The following GAN variants were observed in gnomAD, a reference collection of about 807,000 sequenced individuals.
GAN encodes epididymis secretory sperm binding protein.
Under a neutral mutation model 71.3 loss-of-function variants are expected in GAN, and 48 were observed. That is an observed-to-expected ratio of 0.67 (90% CI 0.53 to 0.86). The LOEUF (loss-of-function observed/expected upper bound fraction) is 0.86, where lower values mean the gene tolerates loss of function less well. GAN is among the 40% of genes least tolerant of loss of function. The pLI, the probability that GAN is intolerant of heterozygous loss-of-function variation, is 0.00. For synonymous variants in GAN, 386 were observed against 276.8 expected (o/e 1.39, Z -3.92); for missense variants, 928 against 770.1 (o/e 1.21, Z -2.43).
At position 81,381,992 on chromosome 16, in the gene GAN, A is replaced by G. The variant is rs983447408; in HGVS notation, c.*4396A>G. 4 of 152,276 alleles carry G rather than the reference A, an allele frequency of 2.6e-5. No homozygotes were observed. Among genetic ancestry groups the G allele is most frequent in the East Asian group, 3.9e-4 (2 of 5,176 alleles). The allele number at this position is 152,276 out of a possible 1,614,324, so 9.4% of individuals were successfully genotyped here. A position where few individuals can be genotyped will look rare whatever the true frequency, so the allele number is the denominator to read the frequency against. On this transcript the variant is annotated 3_prime_UTR_variant, in exon 11 of 11. Coordinates refer to ENST00000648994, the MANE Select transcript of GAN (RefSeq NM_022041.4). The stretch of plus-strand genomic sequence containing the variant: ...CTGATTGTACCCTCTATATGGGACT[A>G]TGAGACCCTCTATAGACTCAGCACA...
In GAN at chr16:81,378,036, C is replaced by A. The variant is rs917328381; in HGVS notation, c.*440C>A. 2 of 245,778 alleles carry A rather than the reference C, an allele frequency of 8.1e-6. No homozygotes were observed. The highest frequency in any genetic ancestry group is 1.6e-5 in the Non-Finnish European group (2 of 123,924). 15.2% of individuals were successfully genotyped at this position (245,778 alleles called of 1,614,324 possible). A position where few individuals can be genotyped will look rare whatever the true frequency, so the allele number is the denominator to read the frequency against. On this transcript the variant is annotated 3_prime_UTR_variant, in exon 11 of 11. Coordinates refer to ENST00000648994, the MANE Select transcript of GAN (RefSeq NM_022041.4). ...ATCCAAACATGCCAAGACTGCTTTT[C>A]CACTGCACTTGGAAGGATATATTAT...
At chr16:81,316,008 C>T (rs1909027216) in intron 1 of GAN, among the ~76,000 whole-genome samples, 1 of 152,184 alleles carries the variant, frequency 6.6e-6, no homozygotes, top group Admixed American at 6.5e-5. Context: ...ACCCGAGGAC[C>T]GTGAGAGCCT....
At chr16:81,329,942 G>T (rs1458765006) in intron 1 of GAN, among the ~76,000 whole-genome samples, 2 of 152,160 alleles carry the variant, frequency 1.3e-5, no homozygotes, top group African/African-American at 2.4e-5. Flanking sequence ...CAGCCAGTGG[G>T]CTGTCCTCCA....
At chr16:81,320,181 A>G (rs775115654) in intron 1 of GAN, among the ~76,000 whole-genome samples, 17 of 152,224 alleles carry the variant, frequency 1.1e-4, no homozygotes, top group Admixed American at 2.0e-4. Context: ...GATGATACTG[A>G]TGAAACTACT....
chr16:81,315,365 C>A (rs1334151391), intron 1 of GAN, 85 bp downstream of exon 1: 6 of 900,626 alleles, frequency 6.7e-6, no homozygotes, highest in Non-Finnish European at 8.8e-6. Context: ...GGCCCCCAGA[C>A]CCTGTCCCCT....
At chr16:81,352,553 C>G (rs1490712934) in intron 2 of GAN, among the ~76,000 whole-genome samples, 1 of 152,096 alleles carries the variant, frequency 6.6e-6, no homozygotes, top group Non-Finnish European at 1.5e-5. Context: ...CTCCTTTATT[C>G]TTTCTTTATC....
intron 7 of GAN, 26 bp downstream of exon 7, chr16:81,363,969 A>G: frequency 6.3e-7 from 1 of 1,578,364 alleles, no homozygotes; most frequent in South Asian, 1.1e-5. Context: ...TGTGATAACT[A>G]GTCTGTGTAC....
chr16:81,345,568 G>C (rs1910091461), intron 1 of GAN, among the ~76,000 whole-genome samples: 1 of 152,160 alleles, frequency 6.6e-6, no homozygotes, highest in African/African-American at 2.4e-5. Context: ...GACACAGGGA[G>C]GGGAACATCG....
intron 1 of GAN, among the ~76,000 whole-genome samples, chr16:81,317,717 A>G (rs1179727938): frequency 1.3e-5 from 2 of 152,260 alleles, no homozygotes; most frequent in Non-Finnish European, 2.9e-5. Flanking sequence ...CTACCACGTT[A>G]GAGCATTACT....
intron 2 of GAN, among the ~76,000 whole-genome samples, chr16:81,353,649 TG>T (rs1458437127): frequency 2.0e-5 from 3 of 152,198 alleles, no homozygotes; most frequent in Non-Finnish European, 4.4e-5. Context: ...GCCCATGCTT[TG>T]GGGTCGTCCA....
At chr16:81,371,002 G>T (rs1567498718) in intron 9 of GAN, among the ~76,000 whole-genome samples, 1 of 152,138 alleles carries the variant, frequency 6.6e-6, no homozygotes. Context: ...TGACCATTCA[G>T]TCTGCAGTAT....
chr16:81,362,656 C>T (rs1359825097), intron 6 of GAN, 45 bp downstream of exon 6: 12 of 996,772 alleles, frequency 1.2e-5, no homozygotes, highest in Non-Finnish European at 1.8e-5. Context: ...TTCTCTTTCC[C>T]CTTAGCGCTT....
intron 1 of GAN, among the ~76,000 whole-genome samples, chr16:81,334,984 C>A (rs1458790807): frequency 6.6e-6 from 1 of 152,078 alleles, no homozygotes; most frequent in Admixed American, 6.5e-5. Context: ...TGACATTAAA[C>A]AAATGCGTCT....
intron 9 of GAN, among the ~76,000 whole-genome samples, chr16:81,369,112 A>G (rs570584073): frequency 6.6e-6 from 1 of 152,306 alleles, no homozygotes; most frequent in East Asian, 1.9e-4. Flanking sequence ...TTTTTACAGT[A>G]TATAAGTTAA....
rs1904371448 is a variant in GAN at position 81,385,448 on chromosome 16, G to C, written c.*7852G>C. 1 of 152,202 alleles carries C rather than the reference G, an allele frequency of 6.6e-6. No homozygotes were observed. The highest frequency in any genetic ancestry group is 2.4e-5 in the African/African-American group (1 of 41,442). The allele number at this position is 152,202 out of a possible 1,614,324, so 9.4% of individuals were successfully genotyped here. ...GGGCTTCTGCCACACTTACTACTCT[G>C]TGACTTGGGAAGCTCTTAAGGCTCC... On this transcript the variant is annotated 3_prime_UTR_variant, in exon 11 of 11. Transcript: ENST00000648994.
At chr16:81,328,261 G>C (rs1909453340) in intron 1 of GAN, among the ~76,000 whole-genome samples, 1 of 152,208 alleles carries the variant, frequency 6.6e-6, no homozygotes, top group African/African-American at 2.4e-5. Context: ...TATAGTTACA[G>C]TTGAAGTAGT....
intron 5 of GAN, among the ~76,000 whole-genome samples, chr16:81,358,729 T>C (rs1437212463): frequency 6.6e-6 from 1 of 152,206 alleles, no homozygotes; most frequent in Non-Finnish European, 1.5e-5. Flanking sequence ...GTTTGAAAAC[T>C]GCTCTACTTT....
At chr16:81,367,835 G>A (rs563009389) in intron 9 of GAN, among the ~76,000 whole-genome samples, 3 of 152,294 alleles carry the variant, frequency 2.0e-5, no homozygotes, top group Admixed American at 2.0e-4. Flanking sequence ...GAACTCAGGC[G>A]TTCTGGCCCC....
Position 81,382,361 on chromosome 16 carries a change from T to A in GAN, c.*4765T>A, listed in dbSNP as rs1904309885. 1 of 152,238 alleles carries A rather than the reference T, an allele frequency of 6.6e-6. No homozygotes were observed. The highest frequency in any genetic ancestry group is 2.4e-5 in the African/African-American group (1 of 41,472). 9.4% of individuals were successfully genotyped at this position (152,238 alleles called of 1,614,324 possible). ...TTACGCTCCCAAACATGTCCTTTGC[T>A]AGTTGCACAGGCATAAGCTGAAAGA... On this transcript the variant is annotated 3_prime_UTR_variant, in exon 11 of 11. Transcript: ENST00000648994.
Sources: gnomAD v4.1 joint callset for allele counts (sites outside exome capture counted in the v4.1 genomes callset) on GRCh38, gnomAD v4.1.1 for gene constraint, MANE v1.5 for transcripts, NCBI Gene and HGNC (gene_info 2026-07-23, HGNC 2026-07-21) for gene names.